The following SLC25A3 variants were observed in gnomAD, a reference collection of about 807,000 sequenced individuals.
SLC25A3 encodes the protein phosphate transport protein.
A neutral mutation model predicts 37.1 loss-of-function variants in SLC25A3; 14 were observed. The ratio of observed to expected loss-of-function variants is 0.38; its 90% CI spans 0.25 to 0.59. The LOEUF (loss-of-function observed/expected upper bound fraction) is 0.59. Among genes scored for constraint, SLC25A3 ranks in the 20% least tolerant of loss-of-function variants. The probability of loss-of-function intolerance (pLI) is 0.67; values close to 1 mark genes in which losing one functional copy is unlikely to be tolerated. For synonymous variants in SLC25A3, 161 were observed against 168.7 expected, an observed-to-expected ratio of 0.95 and a Z score of 0.36; for missense variants, 385 against 458.1, an observed-to-expected ratio of 0.84 and a Z score of 1.46.
In SLC25A3 at chr12:98,598,655, C is replaced by CT; in HGVS notation, c.596dup (p.Leu199PhefsTer10). The CT allele has an allele frequency of 6.2e-7, 1 of 1,614,060 alleles. No individual in the cohort carries two copies. The highest frequency in any genetic ancestry group is 8.5e-7 in the Non-Finnish European group (1 of 1,179,964). On this transcript the variant is annotated frameshift_variant, in exon 5 of 8. Transcript: ENST00000552981. LOFTEE classifies it high-confidence loss of function. ...CAAACCCAGCCAGGTTATGCCAACA[C>CT]TTTGAGGGATGCAGCTCCCAAAATG...
At chr12:98,597,130 C>G (rs865912637) in intron 3 of SLC25A3, among the ~76,000 whole-genome samples, 5 of 152,168 alleles carry the variant, frequency 3.3e-5, no homozygotes, top group Non-Finnish European at 7.3e-5. Context: ...AACTATCACT[C>G]CAAGACTTAA....
At chr12:98,600,239 GT>G in intron 6 of SLC25A3, 112 bp downstream of exon 6, 4 of 808,776 alleles carry the variant, frequency 4.9e-6, no homozygotes, top group Non-Finnish European at 6.3e-6. Context: ...CAGTGTTTTT[GT>G]TTTTTTGGTT....
At chr12:98,595,645 A>G in intron 2 of SLC25A3, 82 bp from the exon 3 acceptor site, 1 of 1,613,478 alleles carries the variant, frequency 6.2e-7, no homozygotes, top group Non-Finnish European at 8.5e-7. Flanking sequence ...CTGTGTGGAA[A>G]CCTAACTGTC....
In SLC25A3 at chr12:98,602,457, C is replaced by G. The variant is rs566540323; in HGVS notation, c.*929C>G. The G allele has an allele frequency of 1.3e-5, 2 of 152,216 alleles. No homozygotes were observed. The highest frequency in any genetic ancestry group is 2.4e-5 in the African/African-American group (1 of 41,442). 9.4% of individuals were successfully genotyped at this position (152,216 alleles called of 1,614,324 possible). On this transcript the variant is annotated 3_prime_UTR_variant, in exon 8 of 8. Coordinates refer to ENST00000552981, the MANE Select transcript of SLC25A3 (RefSeq NM_002635.4). The stretch of plus-strand genomic sequence containing the variant: ...GGGATTATAGGCATGAGCCACCGTG[C>G]CCGGCTCTGACTTTTTACAGAAAAT...
At chr12:98,595,631 C>T (rs2097592399) in intron 2 of SLC25A3, 96 bp from the exon 3 acceptor site, 1 of 1,612,222 alleles carries the variant, frequency 6.2e-7, no homozygotes, top group Non-Finnish European at 8.5e-7. Flanking sequence ...AGTCATCTAA[C>T]AAGCTGTGTG....
rs776099626 is a variant in SLC25A3 at position 98,601,163 on chromosome 12, T to G, written c.815-8T>G. 1 of 1,612,090 alleles carries G rather than the reference T, an allele frequency of 6.2e-7. No homozygotes were observed. ...TGGCACTGTATGGGATCCTTTATCTTTTTTCAGCTGGAGTCTTTTGTGCAA... is the reference window on the plus strand; with the variant it reads ...TGGCACTGTATGGGATCCTTTATCTGTTTTCAGCTGGAGTCTTTTGTGCAA... On this transcript the variant is annotated splice_region_variant and splice_polypyrimidine_tract_variant and intron_variant, in intron 6 of 7. Transcript: ENST00000552981.
Position 98,599,976 on chromosome 12 carries a change from T to C in SLC25A3, c.663T>C (p.Pro221=), listed in dbSNP as rs2153287096. The change falls in exon 6 of 8, where the codon CCT becomes CCC. Residue 221 remains proline (P), a synonymous_variant. Transcript: ENST00000552981. ...GLKAFYKGVA[P]LWMRQIPYTM... ...CTAGATTCTACAAGGGGGTTGCTCC[T>C]CTCTGGATGAGACAGATACCATACA... 6.2e-7 allele frequency: 1 copy of C among 1,614,006 alleles called. No homozygotes were observed. Among genetic ancestry groups the C allele is most frequent in the Non-Finnish European group, 8.5e-7 (1 of 1,179,834 alleles).
Position 98,595,825 on chromosome 12 carries a change from G to T in SLC25A3, c.256G>T (p.Asp86Tyr). 1 of 1,614,164 alleles carries T rather than the reference G, an allele frequency of 6.2e-7. No homozygotes were observed. The highest frequency in any genetic ancestry group is 8.5e-7 in the Non-Finnish European group (1 of 1,180,012). ...GLTHTAVVPL[D>Y]LVKCRMQVDP... ...GACACACACTGCTGTGGTTCCCCTG[G>T]ATTTAGTGAAATGCCGTATGCAGGT... Residue 86 changes from aspartate (D) to tyrosine (Y), a missense_variant, in exon 3 of 8, where the codon GAT becomes TAT. By Grantham distance (160) the Asp-to-Tyr change is radical. Coordinates refer to ENST00000552981, the MANE Select transcript of SLC25A3 (RefSeq NM_002635.4).
rs546818928 is a variant in SLC25A3 at position 98,601,665 on chromosome 12, A to C, written c.*137A>C. On this transcript the variant is annotated 3_prime_UTR_variant, in exon 8 of 8. Coordinates refer to ENST00000552981, the MANE Select transcript of SLC25A3 (RefSeq NM_002635.4). ...TTACTGTAGTACTCTTGCTTAAGGC[A>C]AGAGTTTCAGATTTACTGTTGAAAT... 1.5e-6 allele frequency: 1 copy of C among 682,914 alleles called. No individual in the cohort carries two copies. The highest frequency in any genetic ancestry group is 2.7e-5 in the East Asian group (1 of 36,888). 42.3% of individuals were successfully genotyped at this position (682,914 alleles called of 1,614,324 possible). A position where few individuals can be genotyped will look rare whatever the true frequency, so the allele number is the denominator to read the frequency against.
intron 2 of SLC25A3, chr12:98,595,326 T>C: frequency 8.2e-7 from 1 of 1,219,206 alleles, no homozygotes; most frequent in East Asian, 2.3e-5. Flanking sequence ...CCAAAGCTAT[T>C]CAGCTGTGAT....
In SLC25A3 at chr12:98,602,267, C is replaced by G. The variant is rs906363593; in HGVS notation, c.*739C>G. On this transcript the variant is annotated 3_prime_UTR_variant, in exon 8 of 8. Transcript: ENST00000552981. ...GCAACCTCTGCCTCCCAGGTTCAAG[C>G]GATTGTTCTGCCTCAGCCTCCCAAG... The G allele has an allele frequency of 1.3e-5, 2 of 152,328 alleles. No homozygotes were observed. Among genetic ancestry groups the G allele is most frequent in the African/African-American group, 4.8e-5 (2 of 41,410 alleles). The allele number at this position is 152,328 out of a possible 1,614,324, so 9.4% of individuals were successfully genotyped here.
chr12:98,596,516 T>C (rs2097593127), intron 3 of SLC25A3, among the ~76,000 whole-genome samples: 1 of 152,150 alleles, frequency 6.6e-6, no homozygotes, highest in African/African-American at 2.4e-5. Flanking sequence ...CCCCCCCCAT[T>C]AGTTAATGTA....
At position 98,601,562 on chromosome 12, in the gene SLC25A3, G is replaced by A; in HGVS notation, c.*34G>A. 3.0e-6 allele frequency: 4 copies of A among 1,347,552 alleles called. No homozygotes were observed. The highest frequency in any genetic ancestry group is 1.4e-5 in the African/African-American group (1 of 69,782). The allele number at this position is 1,347,552 out of a possible 1,614,324, so 83.5% of individuals were successfully genotyped here. ...AAGCAAATGTGGACTGAATCTGCTTGTTGATCAGTGTTGAAGAAAGTGCAA... is the reference window on the plus strand; with the variant it reads ...AAGCAAATGTGGACTGAATCTGCTTATTGATCAGTGTTGAAGAAAGTGCAA... On this transcript the variant is annotated 3_prime_UTR_variant, in exon 8 of 8. Transcript: ENST00000552981.
chr12:98,597,105 A>AAATTTT (rs902393546), intron 3 of SLC25A3, among the ~76,000 whole-genome samples: 1 of 152,176 alleles, frequency 6.6e-6, no homozygotes, highest in Non-Finnish European at 1.5e-5. Flanking sequence ...ATTTTTGTTG[A>AAATTTT]AATTTTACCC....
rs766574510 is a variant in SLC25A3, at chr12:98,601,476, C to T, written c.1034C>T (p.Pro345Leu). Residue 345 changes from proline (P) to leucine (L), a missense_variant, in exon 8 of 8, where the codon CCT becomes CTT. By Grantham distance (98) the Pro-to-Leu change is moderately conservative. This residue lies in a region of SLC25A3 where 276 missense variants were observed against 367.6 expected (regional missense o/e 0.75). Transcript: ENST00000552981. ...VKVYFRLPRP[P>L]PPEMPESLKK... is the part of the protein sequence containing the mutation. ...GTCTACTTCAGACTTCCTCGCCCTC[C>T]TCCACCCGAGATGCCAGAGTCTCTG... The T allele has an allele frequency of 3.1e-6, 5 of 1,613,974 alleles. No homozygotes were observed. The African/African-American group carries it at 5.3e-5, about 17-fold the overall frequency.
rs370896793 is a variant in SLC25A3 at position 98,604,548 on chromosome 12, G to A, written c.*3020G>A. The A allele has an allele frequency of 4.2e-4, 63 of 151,146 alleles. 1 individual carries two copies. Among genetic ancestry groups the A allele is most frequent in the African/African-American group, 1.5e-3 (60 of 41,202 alleles). 9.4% of individuals were successfully genotyped at this position (151,146 alleles called of 1,614,324 possible). ...GGGTTCTTGCTTTGTCGCCCAGGCT[G>A]GAGTACAGCCTTGAACTCCTGGGCT... On this transcript the variant is annotated 3_prime_UTR_variant, in exon 8 of 8. Transcript: ENST00000552981.
intron 5 of SLC25A3, 169 bp from the exon 6 acceptor site, chr12:98,599,786 A>G (rs1247487909): frequency 1.2e-6 from 1 of 825,682 alleles, no homozygotes; most frequent in Admixed American, 1.7e-5. Context: ...GGCATGTAAG[A>G]GAAATATACC....
In SLC25A3 at chr12:98,600,228, G is replaced by T. The variant is rs558495520; in HGVS notation, c.814+101G>T. The T allele has an allele frequency of 1.2e-4, 105 of 895,318 alleles. 2 individuals carry two copies. In the South Asian group the frequency reaches 1.4e-3, roughly 12 times the overall value. 55.5% of individuals were successfully genotyped at this position (895,318 alleles called of 1,614,324 possible). A position where few individuals can be genotyped will look rare whatever the true frequency, so the allele number is the denominator to read the frequency against. Reference sequence around the variant, plus strand: ...GGAAAAATACTCCAAAGGTTATAAAGCAGTGTTTTTGTTTTTTTGGTTTCC... The same window carrying T: ...GGAAAAATACTCCAAAGGTTATAAATCAGTGTTTTTGTTTTTTTGGTTTCC... On this transcript the variant is annotated intron_variant, in intron 6 of 7. Coordinates refer to ENST00000552981, the MANE Select transcript of SLC25A3 (RefSeq NM_002635.4).
chr12:98,597,333 T>G (rs2097593841), intron 3 of SLC25A3, among the ~76,000 whole-genome samples: 1 of 152,162 alleles, frequency 6.6e-6, no homozygotes, highest in Admixed American at 6.5e-5. Flanking sequence ...TCAAAATATC[T>G]TAATATTTTC....
Sources: gnomAD v4.1 joint callset for allele counts (sites outside exome capture counted in the v4.1 genomes callset) on GRCh38, gnomAD v4.1.1 for gene constraint, gnomAD v4.1.1 regional missense constraint, MANE v1.5 for transcripts, NCBI Gene and HGNC (gene_info 2026-07-23, HGNC 2026-07-21) for gene names.